UTP6: variants seen among roughly 807,000 people sequenced by gnomAD.
UTP6 encodes U3 small nucleolar RNA-associated protein 6 homolog.
In UTP6, 60 loss-of-function variants were observed where a neutral mutation model predicts 96.5. The observed-to-expected ratio is 0.62, with a 90% CI of 0.51 to 0.77. The LOEUF is 0.77. Ranked by LOEUF, UTP6 falls within the 30% of genes least tolerant of loss-of-function variation. The pLI is 0.00. For synonymous variants in UTP6, 215 were observed against 240.1 expected, an observed-to-expected ratio of 0.90 and a Z score of 0.96; for missense variants, 637 against 706.5, an observed-to-expected ratio of 0.90 and a Z score of 1.12.
At chr17:31,893,977 T>A (rs1406474477) in intron 4 of UTP6, among the ~76,000 whole-genome samples, 1 of 151,664 alleles carries the variant, frequency 6.6e-6, no homozygotes, top group Non-Finnish European at 1.5e-5. Flanking sequence ...TCCAAAATAC[T>A]TCTCATATAA....
chr17:31,864,200 C>G (rs763607511), intron 18 of UTP6, among the ~76,000 whole-genome samples: 3 of 152,096 alleles, frequency 2.0e-5, no homozygotes, highest in Non-Finnish European at 4.4e-5. Flanking sequence ...GCCTAGCCAG[C>G]ATGGCGAAAC....
At chr17:31,876,565 AC>A (rs2142299821) in intron 13 of UTP6, among the ~76,000 whole-genome samples, 1 of 151,700 alleles carries the variant, frequency 6.6e-6, no homozygotes, top group East Asian at 2.0e-4. Flanking sequence ...AATTGCTTGA[AC>A]CCAGGAGGCG....
In UTP6 at chr17:31,875,272, T is replaced by C; in HGVS notation, c.1267A>G (p.Met423Val). The change falls in exon 14 of 19, where the codon ATG (methionine) becomes GTG (valine). Residue 423 changes from methionine to valine, a missense_variant. Physicochemically the swap from Met to Val is conservative, Grantham distance 21 (BLOSUM62 1). Coordinates refer to ENST00000261708, the MANE Select transcript of UTP6 (RefSeq NM_018428.3). ...TGCACAAAGGCTTCTTCAAAAAGCA[T>C]GGCTATGTCAGGGCTCTTTGACTCG... ...LIESKSPDIA[M>V]LFEEAFVHLK... 2 of 1,614,130 alleles carry C rather than the reference T, an allele frequency of 1.2e-6. No individual in the cohort carries two copies. The highest frequency in any genetic ancestry group is 1.7e-6 in the Non-Finnish European group (2 of 1,180,018).
At chr17:31,870,198 G>T (rs1489474632) in intron 16 of UTP6, among the ~76,000 whole-genome samples, 1 of 152,084 alleles carries the variant, frequency 6.6e-6, no homozygotes, top group African/African-American at 2.4e-5. Context: ...CTAGTAATGG[G>T]ATTGCTGAGA....
chr17:31,881,362 A>C (rs929504966), intron 10 of UTP6, among the ~76,000 whole-genome samples: 2 of 147,320 alleles, frequency 1.4e-5, no homozygotes, highest in African/African-American at 5.0e-5. Context: ...CATCTCCTGG[A>C]TTCAAGCAAT....
intron 2 of UTP6, among the ~76,000 whole-genome samples, chr17:31,896,139 G>A (rs769520497): frequency 4.0e-5 from 6 of 151,178 alleles, no homozygotes; most frequent in East Asian, 2.0e-4. Context: ...GTGCAGTGGC[G>A]CAACCTAGGC....
At chr17:31,884,380 A>T in intron 10 of UTP6, 44 bp downstream of exon 10, 2 of 1,462,614 alleles carry the variant, frequency 1.4e-6, no homozygotes, top group Non-Finnish European at 1.9e-6. Flanking sequence ...CTTAATCTCA[A>T]GATCAGAAAT....
At chr17:31,880,381 A>G (rs1159441187) in intron 11 of UTP6, 192 bp downstream of exon 11, 1 of 615,540 alleles carries the variant, frequency 1.6e-6, no homozygotes, top group Non-Finnish European at 2.7e-6. Context: ...AAATCGAGCC[A>G]CTGAACTCCA....
chr17:31,897,937 AATAG>A (rs1251861979), intron 2 of UTP6, among the ~76,000 whole-genome samples: 3 of 152,196 alleles, frequency 2.0e-5, no homozygotes, highest in African/African-American at 4.8e-5. Context: ...GTGGACAGAC[AATAG>A]ATAAACAAGC....
At chr17:31,883,830 C>T (rs1910981935) in intron 10 of UTP6, among the ~76,000 whole-genome samples, 1 of 151,348 alleles carries the variant, frequency 6.6e-6, no homozygotes, top group Non-Finnish European at 1.5e-5. Context: ...GCATGCACCA[C>T]CACACCTAGC....
chr17:31,889,177 C>G, intron 7 of UTP6, 108 bp downstream of exon 7: 1 of 736,622 alleles, frequency 1.4e-6, no homozygotes, highest in South Asian at 2.2e-5. Flanking sequence ...ATCCCAGCTA[C>G]TCGGGAGGCT....
At chr17:31,892,174 T>A in intron 6 of UTP6, 86 bp downstream of exon 6, 1 of 1,441,374 alleles carries the variant, frequency 6.9e-7, no homozygotes, top group Non-Finnish European at 9.6e-7. Context: ...CAAAATAATT[T>A]CTCTTAGATT....
intron 16 of UTP6, among the ~76,000 whole-genome samples, chr17:31,868,896 C>T (rs1369562995): frequency 6.6e-6 from 1 of 152,086 alleles, no homozygotes; most frequent in Non-Finnish European, 1.5e-5. Context: ...GGTGGATCAC[C>T]TGAGGTCAGT....
chr17:31,864,698 T>C (rs982542131), intron 18 of UTP6, among the ~76,000 whole-genome samples: 1 of 151,372 alleles, frequency 6.6e-6, no homozygotes, highest in Non-Finnish European at 1.5e-5. Context: ...TCACAGTCAT[T>C]GCAGCCTCAA....
intron 1 of UTP6, 62 bp downstream of exon 1, chr17:31,901,474 C>T (rs1598125671): frequency 1.2e-5 from 19 of 1,529,432 alleles, no homozygotes; most frequent in Non-Finnish European, 1.7e-5. Flanking sequence ...TAGCCCCTGC[C>T]ACACACTCCC....
chr17:31,873,055 A>T (rs1910279735), intron 16 of UTP6: 1 of 250,182 alleles, frequency 4.0e-6, no homozygotes, highest in Non-Finnish European at 7.8e-6. Flanking sequence ...GTTTGAGACC[A>T]GCCTGGCCAA....
chr17:31,885,966 C>A lies in UTP6; in HGVS notation c.703+14G>T. On this transcript the variant is annotated intron_variant, in intron 9 of 18. Transcript: ENST00000261708. ...TCACTTTCCTACCAAAAATAATGTT[C>A]AAAAGATACCTACCTTTAATTATGC... is the stretch of plus-strand genomic sequence containing the variant. 1 of 1,604,262 alleles carries A rather than the reference C, an allele frequency of 6.2e-7. No homozygotes were observed. The highest frequency in any genetic ancestry group is 1.1e-5 in the South Asian group (1 of 88,862).
chr17:31,889,637 C>T (rs1043153134), intron 6 of UTP6, among the ~76,000 whole-genome samples: 2 of 151,756 alleles, frequency 1.3e-5, no homozygotes, highest in African/African-American at 4.8e-5. Flanking sequence ...GCTGGTACTA[C>T]AGGCACCCGC....
chr17:31,871,984 A>C (rs1256859645), intron 16 of UTP6, among the ~76,000 whole-genome samples: 1 of 152,136 alleles, frequency 6.6e-6, no homozygotes, highest in African/African-American at 2.4e-5. Context: ...ACCAGAGGTC[A>C]GGAGTTCGAG....
Sources: gnomAD v4.1 joint callset for allele counts (sites outside exome capture counted in the v4.1 genomes callset) on GRCh38, gnomAD v4.1.1 for gene constraint, MANE v1.5 for transcripts, NCBI Gene and HGNC (gene_info 2026-07-23, HGNC 2026-07-21) for gene names.